Variants in PLXNA4 observed in about 807,000 individuals in gnomAD.
PLXNA4 encodes plexin-A4.
Under a neutral mutation model 191.8 loss-of-function variants are expected in PLXNA4, and 44 were observed. The ratio of observed to expected loss-of-function variants is 0.23; its 90% CI spans 0.18 to 0.29. The LOEUF is 0.29. Among genes scored for constraint, PLXNA4 ranks in the 10% least tolerant of loss-of-function variants. The pLI is 1.00. For synonymous variants in PLXNA4, 1,082 were observed against 1,009.5 expected (o/e 1.07, Z -1.36); for missense variants, 1,800 against 2,488.8 (o/e 0.72, Z 5.89).
At chr7:132,581,729 T>TACACAC (rs369866652), upstream of PLXNA4, among the ~76,000 whole-genome samples, 1 of 150,216 alleles carries the variant, frequency 6.7e-6, no homozygotes, top group African/African-American at 2.4e-5. Context: ...CCTCTCCTCC[T>TACACAC]ACACACACAC....
At position 132,636,762 on chromosome 7, in the gene PLXNA4, A is replaced by G. The variant is rs1373923997; in HGVS notation, c.-87+9166T>C. 3.3e-5 allele frequency among the ~76,000 whole-genome samples: 5 copies of G among 152,290 alleles called. No homozygotes were observed. In the East Asian group the frequency reaches 7.7e-4, roughly 24 times the overall value. On this transcript the variant is annotated intron_variant, in intron 2 of 4. Coordinates refer to the PLXNA4 transcript ENST00000378539. Reference sequence around the variant, plus strand: ...CAGAGAAAGGACTTCCCAGCCTAGCAGTTCTCTGAGCTTCATTCTCTTCCT... The same window carrying G: ...CAGAGAAAGGACTTCCCAGCCTAGCGGTTCTCTGAGCTTCATTCTCTTCCT...
chr7:132,291,847 T>C (rs12670541), intron 4 of PLXNA4, among the ~76,000 whole-genome samples: 45,539 of 151,858 alleles, frequency 0.3, 6,957 homozygotes, highest in Admixed American at 0.42. Flanking sequence ...TAGGCTGGAG[T>C]GCAGTGGCAT....
At chr7:132,406,711 T>C (rs1794235031) in intron 3 of PLXNA4, among the ~76,000 whole-genome samples, 1 of 152,184 alleles carries the variant, frequency 6.6e-6, no homozygotes, top group Non-Finnish European at 1.5e-5. Flanking sequence ...CAGGGGCATT[T>C]ACGACTCACC....
intron 3 of PLXNA4, among the ~76,000 whole-genome samples, chr7:132,355,720 G>A (rs1585029110): frequency 6.6e-6 from 1 of 152,104 alleles, no homozygotes; most frequent in Admixed American, 6.6e-5. Flanking sequence ...TGCCTAGGAA[G>A]AGAGGGAGGA....
At position 132,628,699 on chromosome 7, in the gene PLXNA4, T is replaced by A. The variant is rs554132488; in HGVS notation, c.-87+17229A>T. 5.3e-5 allele frequency among the ~76,000 whole-genome samples: 8 copies of A among 152,322 alleles called. 1 individual carries two copies. Among genetic ancestry groups the A allele is most frequent in the African/African-American group, 1.9e-4 (8 of 41,580 alleles). On this transcript the variant is annotated intron_variant, in intron 2 of 4. Transcript: ENST00000378539. Reference sequence around the variant, plus strand: ...TTTCTAGACTTTCCTCAACTCTGTCTTGTAACTTTCTGGTTAAGAGTTATT... The same window carrying A: ...TTTCTAGACTTTCCTCAACTCTGTCATGTAACTTTCTGGTTAAGAGTTATT...
intron 5 of PLXNA4, among the ~76,000 whole-genome samples, chr7:132,232,265 C>T (rs907709205): frequency 2.0e-5 from 3 of 152,190 alleles, no homozygotes; most frequent in African/African-American, 7.2e-5. Context: ...CTCAGCTCCA[C>T]TGTACAGGCC....
chr7:132,286,141 C>G (rs1800675617), intron 4 of PLXNA4, among the ~76,000 whole-genome samples: 1 of 152,298 alleles, frequency 6.6e-6, no homozygotes, highest in South Asian at 2.1e-4. Context: ...TTTTCAACAC[C>G]CTTCAAGCTG....
At position 132,162,155 on chromosome 7, in the gene PLXNA4, C is replaced by T. The variant is rs115357169; in HGVS notation, c.4500+1987G>A. Among the ~76,000 whole-genome samples the T allele has an allele frequency of 3.2e-3, 482 of 152,354 alleles. 2 individuals are homozygous for T. Among genetic ancestry groups the T allele is most frequent in the African/African-American group, 0.011 (444 of 41,594 alleles). ...CGCCGAGTTCCAGGACTCGTCTGCA[C>T]GCCCTGTGTGCTGCTGTCCTGCACG... On this transcript the variant is annotated intron_variant, in intron 24 of 31. Coordinates refer to ENST00000321063, the MANE Select transcript of PLXNA4 (RefSeq NM_020911.2).
chr7:132,458,080 T>C (rs2117340812), intron 3 of PLXNA4, among the ~76,000 whole-genome samples: 1 of 152,266 alleles, frequency 6.6e-6, no homozygotes, highest in East Asian at 1.9e-4. Context: ...TTTAGAATAG[T>C]GGGCACTCGA....
intron 3 of PLXNA4, among the ~76,000 whole-genome samples, chr7:132,361,641 G>A (rs1803947245): frequency 6.6e-6 from 1 of 152,236 alleles, no homozygotes; most frequent in South Asian, 2.1e-4. Context: ...AAAGGTTAGA[G>A]CAGGAACAGG....
chr7:132,365,348 T>TGCGCGCGC (rs1328603703), intron 3 of PLXNA4, among the ~76,000 whole-genome samples: 1 of 105,264 alleles, frequency 9.5e-6, no homozygotes, highest in East Asian at 2.9e-4. Context: ...TGTGTGTGTG[T>TGCGCGCGC]GTGTGTGTGT....
At position 132,622,685 on chromosome 7, in the gene PLXNA4, C is replaced by G. The variant is rs112934907; in HGVS notation, c.-87+23243G>C. Among the ~76,000 whole-genome samples, 733 of 152,298 alleles carry G rather than the reference C, an allele frequency of 4.8e-3. 7 individuals are homozygous for G. The highest frequency in any genetic ancestry group is 0.017 in the African/African-American group (709 of 41,566). On this transcript the variant is annotated intron_variant, in intron 2 of 4. Coordinates refer to the PLXNA4 transcript ENST00000378539. ...GGTCAGCGCATCAGGCTTGAGGGAC[C>G]CTGTTCCCTTGGAAATGTCCTGTCA...
intron 3 of PLXNA4, among the ~76,000 whole-genome samples, chr7:132,378,104 C>A (rs1281070094): frequency 6.6e-6 from 1 of 152,146 alleles, no homozygotes; most frequent in Non-Finnish European, 1.5e-5. Flanking sequence ...ACCATCTATG[C>A]TATTCCCCAA....
At chr7:132,557,728 T>C (rs1488302111) in intron 1 of PLXNA4, among the ~76,000 whole-genome samples, 1 of 152,042 alleles carries the variant, frequency 6.6e-6, no homozygotes, top group African/African-American at 2.4e-5. Context: ...AGGTGCTCTG[T>C]TTACCATCAG....
chr7:132,589,235 C>A (rs1417905221), intron 2 of PLXNA4, among the ~76,000 whole-genome samples: 6 of 152,040 alleles, frequency 3.9e-5, no homozygotes, highest in Non-Finnish European at 1.5e-5. Context: ...GTTGTTAATG[C>A]CAAGATATAA....
At chr7:132,605,519 G>T (rs1454477729) in intron 2 of PLXNA4, among the ~76,000 whole-genome samples, 1 of 152,124 alleles carries the variant, frequency 6.6e-6, no homozygotes, top group Non-Finnish European at 1.5e-5. Context: ...TGGGGGGCCT[G>T]TTAGGAAGTG....
chr7:132,500,279 C>T (rs755195285), intron 2 of PLXNA4, among the ~76,000 whole-genome samples: 1 of 152,120 alleles, frequency 6.6e-6, no homozygotes, highest in African/African-American at 2.4e-5. Flanking sequence ...CCTGTCTGTA[C>T]TAAAAATACA....
At chr7:132,206,949 T>C (rs922422047) in intron 10 of PLXNA4, among the ~76,000 whole-genome samples, 14 of 152,172 alleles carry the variant, frequency 9.2e-5, no homozygotes, top group Non-Finnish European at 1.8e-4. Context: ...TGGCACACCA[T>C]GCGGGGCTAA....
At chr7:132,427,345 G>A (rs1401030762) in intron 3 of PLXNA4, among the ~76,000 whole-genome samples, 3 of 152,150 alleles carry the variant, frequency 2.0e-5, no homozygotes, top group African/African-American at 7.2e-5. Flanking sequence ...GAGCTGGGGT[G>A]CCCCAAGTAG....
Sources: allele counts gnomAD v4.1 joint callset (sites outside exome capture counted in the v4.1 genomes callset), GRCh38; gene constraint gnomAD v4.1.1; transcripts MANE v1.5; gene names NCBI Gene and HGNC (gene_info 2026-07-23, HGNC 2026-07-21).